The following SYNE2 variants were observed in gnomAD, a reference collection of about 807,000 sequenced individuals.
SYNE2 encodes the protein nesprin-2.
A neutral mutation model predicts 856.3 loss-of-function variants in SYNE2; 431 were observed. The ratio of observed to expected loss-of-function variants is 0.50; its 90% confidence interval spans 0.47 to 0.55. The LOEUF (loss-of-function observed/expected upper bound fraction) is 0.55, where lower values mean the gene tolerates loss of function less well. SYNE2 is among the 20% of genes least tolerant of loss of function. The pLI is 0.00. For synonymous variants in SYNE2, 2,923 were observed against 2,872.3 expected (o/e 1.02, Z -0.56); for missense variants, 8,129 against 8,023.2 (o/e 1.01, Z -0.50).
intron 45 of SYNE2, among the ~76,000 whole-genome samples, chr14:64,044,777 A>G (rs891584126): frequency 7.9e-5 from 12 of 152,130 alleles, no homozygotes; most frequent in Non-Finnish European, 1.6e-4. Context: ...GCCTGCCGCC[A>G]TTCATGTAAG....
intron 100 of SYNE2, among the ~76,000 whole-genome samples, chr14:64,207,514 C>T (rs946425351): frequency 4.1e-5 from 6 of 147,704 alleles, no homozygotes; most frequent in Admixed American, 1.4e-4. Flanking sequence ...GAGCCAAGAT[C>T]GCACCACTAT....
chr14:64,137,054 T>G (rs1384729473), intron 78 of SYNE2, among the ~76,000 whole-genome samples: 1 of 152,190 alleles, frequency 6.6e-6, no homozygotes, highest in African/African-American at 2.4e-5. Context: ...ATCCTGATTA[T>G]TAGGTAAGAT....
intron 11 of SYNE2, among the ~76,000 whole-genome samples, chr14:63,970,659 T>C (rs1482004555): frequency 5.4e-4 from 77 of 142,898 alleles, no homozygotes; most frequent in Non-Finnish European, 8.6e-4. Context: ...TTCTTTTTTT[T>C]TTTTTTTTTT....
intron 99 of SYNE2, 42 bp downstream of exon 99, chr14:64,190,279 A>G: frequency 8.1e-6 from 13 of 1,612,132 alleles, no homozygotes; most frequent in Non-Finnish European, 1.1e-5. Flanking sequence ...AGGAACAGTA[A>G]TTACTTTACA....
intron 1 of SYNE2, among the ~76,000 whole-genome samples, chr14:63,901,586 A>T (rs932526119): frequency 6.6e-6 from 1 of 152,186 alleles, no homozygotes; most frequent in African/African-American, 2.4e-5. Context: ...TGAGGTTTTA[A>T]TTGACACCAC....
chr14:64,190,684 G>A, intron 99 of SYNE2: 2 of 693,962 alleles, frequency 2.9e-6, no homozygotes, highest in Non-Finnish European at 5.2e-6. Context: ...CTCAAGGCAG[G>A]GGCAGGAGTC....
intron 84 of SYNE2, among the ~76,000 whole-genome samples, chr14:64,148,619 A>G (rs1055367967): frequency 2.6e-5 from 4 of 152,138 alleles, no homozygotes; most frequent in Admixed American, 6.5e-5. Context: ...GTGCCCACTG[A>G]CTGTGCCTTC....
chr14:63,763,786 T>A (rs1298113505), intron 1 of SYNE2, among the ~76,000 whole-genome samples: 1 of 152,138 alleles, frequency 6.6e-6, no homozygotes, highest in East Asian at 1.9e-4. Context: ...CACCTCTGCC[T>A]CCCCAGTAGC....
rs1434669493 is a variant in SYNE2, at chr14:64,027,636, A to G, written c.6557A>G (p.Lys2186Arg). 1.9e-6 allele frequency: 3 copies of G among 1,614,064 alleles called. No homozygotes were observed. The highest frequency in any genetic ancestry group is 2.5e-6 in the Non-Finnish European group (3 of 1,180,028). Reference protein sequence around the residue: ...QEKKAQLKIYKKFLKKAQDLT... With the variant: ...QEKKAQLKIYRKFLKKAQDLT... ...AAGAAAGCTCAGTTAAAGATTTATA[A>G]GAAATTCCTCAAGAAAGCCCAAGAT... The change falls in exon 43 of 116, where the codon AAG (lysine) becomes AGG (arginine). Residue 2186 changes from lysine to arginine, a missense_variant. Physicochemically the swap from Lys to Arg is conservative, Grantham distance 26. Transcript: ENST00000555002.
intron 96 of SYNE2, among the ~76,000 whole-genome samples, chr14:64,180,425 T>C (rs17751466): frequency 0.041 from 6,297 of 152,304 alleles, 153 homozygotes; most frequent in Non-Finnish European, 0.045. Flanking sequence ...TTATTTTTAG[T>C]ATTCCTGCTC....
intron 90 of SYNE2, among the ~76,000 whole-genome samples, chr14:64,165,791 G>C (rs1448387462): frequency 2.6e-5 from 4 of 152,182 alleles, no homozygotes; most frequent in African/African-American, 9.7e-5. Context: ...TGGGATTACA[G>C]GCCTGAGCCA....
Position 64,107,619 on chromosome 14 carries a change from T to C in SYNE2, c.12609+12T>C, listed in dbSNP as rs2097779905. 1.2e-6 allele frequency: 2 copies of C among 1,607,762 alleles called. No homozygotes were observed. Among genetic ancestry groups the C allele is most frequent in the African/African-American group, 1.3e-5 (1 of 74,780 alleles). ...ACCAAACAGAAGAGGTAAGTCCTGGTTGGTAATAAGTAAACTGCTCAGATA... is the reference window on the plus strand; with the variant it reads ...ACCAAACAGAAGAGGTAAGTCCTGGCTGGTAATAAGTAAACTGCTCAGATA... On this transcript the variant is annotated intron_variant, in intron 65 of 115. Coordinates refer to ENST00000555002, the MANE Select transcript of SYNE2 (RefSeq NM_182914.3).
intron 18 of SYNE2, among the ~76,000 whole-genome samples, chr14:63,985,553 C>T (rs527255118): frequency 2.6e-5 from 4 of 152,086 alleles, no homozygotes; most frequent in East Asian, 1.9e-4. Context: ...TTGTTTAAAT[C>T]GCATATGAGT....
At chr14:63,917,408 T>G (rs886796058) in intron 2 of SYNE2, among the ~76,000 whole-genome samples, 1 of 152,214 alleles carries the variant, frequency 6.6e-6, no homozygotes, top group Non-Finnish European at 1.5e-5. Flanking sequence ...GTAACTGATA[T>G]TGTCTTTTGC....
At chr14:64,129,599 G>A (rs1383900869) in intron 74 of SYNE2, among the ~76,000 whole-genome samples, 183 bp from the exon 75 acceptor site, 1 of 152,218 alleles carries the variant, frequency 6.6e-6, no homozygotes, top group African/African-American at 2.4e-5. Flanking sequence ...CTGGTATGGA[G>A]CATGTTAGGA....
intron 1 of SYNE2, among the ~76,000 whole-genome samples, chr14:63,765,475 C>A (rs1308708174): frequency 1.3e-5 from 2 of 152,242 alleles, no homozygotes; most frequent in East Asian, 3.9e-4. Flanking sequence ...ACCTCAGCCT[C>A]CCGAGTAGCT....
At chr14:63,878,771 C>G (rs1172509005) in intron 1 of SYNE2, among the ~76,000 whole-genome samples, 1 of 152,152 alleles carries the variant, frequency 6.6e-6, no homozygotes, top group African/African-American at 2.4e-5. Flanking sequence ...TCGAACTCTC[C>G]TGATCTCAGG....
At chr14:63,871,441 C>T (rs904681565) in intron 1 of SYNE2, among the ~76,000 whole-genome samples, 1 of 151,900 alleles carries the variant, frequency 6.6e-6, no homozygotes, top group Non-Finnish European at 1.5e-5. Flanking sequence ...CTCCCAACCT[C>T]AGATGATCCG....
intron 99 of SYNE2, among the ~76,000 whole-genome samples, chr14:64,201,150 T>A (rs1166386066): frequency 6.6e-6 from 1 of 152,136 alleles, no homozygotes; most frequent in African/African-American, 2.4e-5. Context: ...GCAGAGCTCT[T>A]AGATGGGAGA....
Sources: gnomAD v4.1 joint callset for allele counts (sites outside exome capture counted in the v4.1 genomes callset) on GRCh38, gnomAD v4.1.1 for gene constraint, MANE v1.5 for transcripts, NCBI Gene and HGNC (gene_info 2026-07-23, HGNC 2026-07-21) for gene names.